The following RTTN variants were observed in gnomAD, a reference collection of about 807,000 sequenced individuals.
The protein encoded by RTTN is rotatin.
Under a neutral mutation model 269.2 loss-of-function variants are expected in RTTN, and 182 were observed. That is an observed-to-expected ratio of 0.68 (90% CI 0.60 to 0.76). The LOEUF (loss-of-function observed/expected upper bound fraction) is 0.76, where lower values mean the gene tolerates loss of function less well. Among genes scored for constraint, RTTN ranks in the 30% least tolerant of loss-of-function variants. The pLI is 0.00. For synonymous variants in RTTN, 1,006 were observed against 963.5 expected, an observed-to-expected ratio of 1.04 and a Z score of -0.82; for missense variants, 2,545 against 2,608.6, an observed-to-expected ratio of 0.98 and a Z score of 0.53.
chr18:70,150,134 G>A (rs371984680), intron 15 of RTTN, 47 bp from the exon 16 acceptor site: 21 of 1,193,202 alleles, frequency 1.8e-5, no homozygotes, highest in South Asian at 1.3e-4. Flanking sequence ...GAGATGTCCC[G>A]CTAGGTCACC....
At chr18:70,089,632 G>T (rs1242579330) in intron 30 of RTTN, among the ~76,000 whole-genome samples, 1 of 152,078 alleles carries the variant, frequency 6.6e-6, no homozygotes, top group East Asian at 1.9e-4. Context: ...CGTAGACATG[G>T]GTAATTCTCA....
chr18:70,161,495 A>G (rs1422472128), intron 14 of RTTN, among the ~76,000 whole-genome samples: 1 of 152,232 alleles, frequency 6.6e-6, no homozygotes, highest in Non-Finnish European at 1.5e-5. Context: ...GTGGGACCTA[A>G]TGAAACTAAA....
chr18:70,005,162 G>A (rs1389185490), intron 48 of RTTN, 36 bp downstream of exon 48: 1 of 1,492,550 alleles, frequency 6.7e-7, no homozygotes, highest in Non-Finnish European at 9.3e-7. Context: ...AATAGCTTCT[G>A]AGTTTAACTA....
At chr18:70,026,963 T>C (rs900123629) in intron 43 of RTTN, among the ~76,000 whole-genome samples, 2 of 152,206 alleles carry the variant, frequency 1.3e-5, no homozygotes, top group Non-Finnish European at 2.9e-5. Context: ...CTCACACCTG[T>C]GCTCTGCTCT....
intron 10 of RTTN, among the ~76,000 whole-genome samples, chr18:70,184,589 A>T (rs1336759905): frequency 6.6e-6 from 1 of 151,966 alleles, no homozygotes; most frequent in Non-Finnish European, 1.5e-5. Flanking sequence ...TGAGCTAAAC[A>T]AGTGAAGACA....
At chr18:70,193,179 A>C in intron 8 of RTTN, 109 bp downstream of exon 8, 1 of 782,206 alleles carries the variant, frequency 1.3e-6, no homozygotes, top group African/African-American at 1.9e-5. Flanking sequence ...AATGTTTCAA[A>C]AAAAAAAAAA....
At chr18:70,102,921 G>A (rs745738045) in intron 28 of RTTN, among the ~76,000 whole-genome samples, 5 of 151,620 alleles carry the variant, frequency 3.3e-5, no homozygotes, top group African/African-American at 4.9e-5. Context: ...AGTGAGGAGC[G>A]CCTCTGCCCG....
Position 70,033,078 on chromosome 18 carries a change from G to A in RTTN, c.5542-2097C>T, listed in dbSNP as rs79156796. Reference sequence around the variant, plus strand: ...GATCCTTCATGAATGGTTTAGCACCGTCCCTTTGGTTCTGTTCCTGTAACA... The same window carrying A: ...GATCCTTCATGAATGGTTTAGCACCATCCCTTTGGTTCTGTTCCTGTAACA... On this transcript the variant is annotated intron_variant, in intron 40 of 48. Transcript: ENST00000640769. 3.3e-4 allele frequency among the ~76,000 whole-genome samples: 50 copies of A among 152,312 alleles called. No individual in the cohort carries two copies. In the East Asian group the frequency reaches 8.9e-3, roughly 27 times the overall value.
intron 7 of RTTN, chr18:70,194,067 A>C (rs2146121365): frequency 6.6e-6 from 1 of 152,388 alleles, no homozygotes; most frequent in East Asian, 1.9e-4. Flanking sequence ...AGAATATATA[A>C]GTAACCTAAA....
chr18:70,194,113 T>C (rs4891823), intron 7 of RTTN: 110,356 of 152,166 alleles, frequency 0.73, 46,729 homozygotes, highest in East Asian at 1. Context: ...ATTTTTAAAA[T>C]GGGCAAAGAA....
At chr18:70,137,791 C>T (rs2060159389) in intron 21 of RTTN, among the ~76,000 whole-genome samples, 1 of 152,126 alleles carries the variant, frequency 6.6e-6, no homozygotes. Flanking sequence ...ACCAGGAATC[C>T]CCAATTACAA....
At chr18:70,070,927 G>A (rs2058277868) in intron 34 of RTTN, among the ~76,000 whole-genome samples, 1 of 152,182 alleles carries the variant, frequency 6.6e-6, no homozygotes, top group Admixed American at 6.6e-5. Context: ...GCATATAAAA[G>A]AGAAGGGGAT....
At position 70,166,963 on chromosome 18, in the gene RTTN, C is replaced by G; in HGVS notation, c.1758G>C (p.Gln586His). Reference sequence around the variant, plus strand: ...TGATTTCCTTTATTAGCGGGAAATGCTGATGATAGGAAAAGCTACGCAAGG... The same window carrying G: ...TGATTTCCTTTATTAGCGGGAAATGGTGATGATAGGAAAAGCTACGCAAGG... ...DQALRSFSYH[Q>H]HFPLIKEIIS... Residue 586 changes from glutamine to histidine, a missense_variant, in exon 13 of 49, where the codon CAG (glutamine) becomes CAC (histidine). Coordinates refer to ENST00000640769, the MANE Select transcript of RTTN (RefSeq NM_173630.4). The G allele has an allele frequency of 6.2e-7, 1 of 1,613,480 alleles. No individual in the cohort carries two copies. Among genetic ancestry groups the G allele is most frequent in the South Asian group, 1.1e-5 (1 of 91,008 alleles).
intron 23 of RTTN, chr18:70,129,979 T>A (rs937686594): frequency 6.6e-6 from 1 of 151,888 alleles, no homozygotes; most frequent in Non-Finnish European, 1.5e-5. Flanking sequence ...AAGATCTGAA[T>A]AGAAACTTCT....
At chr18:70,049,891 T>C (rs899663691) in intron 39 of RTTN, among the ~76,000 whole-genome samples, 1 of 152,210 alleles carries the variant, frequency 6.6e-6, no homozygotes, top group Non-Finnish European at 1.5e-5. Flanking sequence ...ATGAGAAAGT[T>C]ATTTGTATCC....
chr18:70,184,716 T>TG (rs1555776913), intron 10 of RTTN, among the ~76,000 whole-genome samples: 14 of 33,464 alleles, frequency 4.2e-4, no homozygotes, highest in African/African-American at 7.6e-4. Context: ...TTTTTTTTTT[T>TG]TGTGTGTGTG....
chr18:70,130,605 G>A (rs957152991), intron 23 of RTTN: 2 of 151,462 alleles, frequency 1.3e-5, no homozygotes, highest in Non-Finnish European at 2.9e-5. Flanking sequence ...TGGAGATAAA[G>A]AGTAGAATGA....
chr18:70,183,650 T>C (rs2061468292), intron 10 of RTTN, among the ~76,000 whole-genome samples: 1 of 152,170 alleles, frequency 6.6e-6, no homozygotes, highest in Admixed American at 6.5e-5. Context: ...TGGTGAGCTG[T>C]TCTGGCTTCT....
intron 40 of RTTN, among the ~76,000 whole-genome samples, chr18:70,040,179 G>A (rs2057298616): frequency 6.6e-6 from 1 of 152,032 alleles, no homozygotes; most frequent in Admixed American, 6.6e-5. Context: ...AACACACACA[G>A]TGGCTGAAGG....
Sources: allele counts gnomAD v4.1 joint callset (sites outside exome capture counted in the v4.1 genomes callset), GRCh38; gene constraint gnomAD v4.1.1; transcripts MANE v1.5; gene names NCBI Gene and HGNC (gene_info 2026-07-23, HGNC 2026-07-21).